The following CCN5 variants were observed in gnomAD, a reference collection of about 807,000 sequenced individuals.
CCN5 encodes the protein cellular communication network factor 5.
In CCN5, 17 loss-of-function variants were observed where a neutral mutation model predicts 18.7. The observed-to-expected ratio is 0.91, with a 90% CI of 0.62 to 1.36. The LOEUF (loss-of-function observed/expected upper bound fraction) is 1.36. Ranked by LOEUF, CCN5 falls within the 40% of genes most tolerant of loss-of-function variation. CCN5 has a pLI of 0.00. For synonymous variants in CCN5, 135 were observed against 145.2 expected, an observed-to-expected ratio of 0.93 and a Z score of 0.50; for missense variants, 367 against 342.9, an observed-to-expected ratio of 1.07 and a Z score of -0.56.
intron 1 of CCN5, among the ~76,000 whole-genome samples, chr20:44,717,409 G>A (rs116798181): frequency 1.3e-5 from 2 of 152,286 alleles, no homozygotes; most frequent in African/African-American, 4.8e-5. Context: ...GAGCCAAGGT[G>A]CACAGCTGCT....
intron 2 of CCN5, among the ~76,000 whole-genome samples, chr20:44,722,783 C>T (rs970376169): frequency 2.0e-5 from 3 of 152,004 alleles, no homozygotes; most frequent in Non-Finnish European, 4.4e-5. Flanking sequence ...CTAGACATCT[C>T]TCTTTTCTCA....
At chr20:44,725,784 G>A (rs2065932414) in intron 3 of CCN5, among the ~76,000 whole-genome samples, 1 of 133,296 alleles carries the variant, frequency 7.5e-6, no homozygotes, top group Non-Finnish European at 1.6e-5. Context: ...ATGTGGGCCG[G>A]GGGTGGGCTA....
In CCN5 at chr20:44,719,890, T is replaced by C; in HGVS notation, c.61-7T>C. ...CCCGTGGCTGAGTGAGGTCTCTGTC[T>C]CTTCAGGTGCGTACCCAGCTGTGCC... On this transcript the variant is annotated splice_polypyrimidine_tract_variant and splice_region_variant and intron_variant, in intron 1 of 3. Coordinates refer to ENST00000190983, the MANE Select transcript of CCN5 (RefSeq NM_003881.4). 1 of 1,609,476 alleles carries C rather than the reference T, an allele frequency of 6.2e-7. No homozygotes were observed. The highest frequency in any genetic ancestry group is 1.1e-5 in the South Asian group (1 of 90,280).
intron 3 of CCN5, 143 bp from the exon 4 acceptor site, chr20:44,726,944 T>C (rs1261416695): frequency 1.3e-6 from 1 of 784,244 alleles, no homozygotes; most frequent in Non-Finnish European, 2.0e-6. Flanking sequence ...TGCCATCCAC[T>C]GTTAAGAAAT....
At chr20:44,715,493 G>T in intron 1 of CCN5, 43 bp downstream of exon 1, 7 of 1,560,140 alleles carry the variant, frequency 4.5e-6, no homozygotes, top group East Asian at 2.4e-5. Context: ...GACTATTTGG[G>T]TGTGGAGGGG....
chr20:44,720,186 G>A (rs2065889723), intron 2 of CCN5, 73 bp downstream of exon 2: 1 of 1,456,614 alleles, frequency 6.9e-7, no homozygotes, highest in African/African-American at 1.4e-5. Context: ...CTGGATCAAA[G>A]TGCAGCCCTC....
At chr20:44,724,664 G>T in intron 2 of CCN5, 74 bp from the exon 3 acceptor site, 7 of 1,591,414 alleles carry the variant, frequency 4.4e-6, no homozygotes, top group Non-Finnish European at 6.0e-6. Flanking sequence ...CAGGCAGCGG[G>T]ATCTGGGCAG....
chr20:44,719,753 C>G, intron 1 of CCN5, 144 bp from the exon 2 acceptor site: 3 of 743,570 alleles, frequency 4.0e-6, no homozygotes, highest in Non-Finnish European at 6.4e-6. Context: ...TGTGGGACTA[C>G]TGGCCTTTGA....
intron 2 of CCN5, chr20:44,720,340 T>A (rs2145413548): frequency 1.8e-6 from 1 of 546,210 alleles, no homozygotes; most frequent in Middle Eastern, 4.5e-4. Flanking sequence ...CCTTTCCCCA[T>A]CCCTACCTGT....
upstream of CCN5, chr20:44,715,310 C>A (rs1409190017): frequency 1.4e-6 from 2 of 1,383,864 alleles, no homozygotes; most frequent in Non-Finnish European, 9.9e-7. Flanking sequence ...CCTGTGTGTG[C>A]CTGGGAGTGA....
At chr20:44,726,636 T>C (rs2065937881) in intron 3 of CCN5, among the ~76,000 whole-genome samples, 1 of 152,040 alleles carries the variant, frequency 6.6e-6, no homozygotes, top group South Asian at 2.1e-4. Flanking sequence ...ACCAAAATAC[T>C]CACAGAGGGA....
chr20:44,717,885 G>GAAAAAAAAAAAAAAA (rs60571299), intron 1 of CCN5, among the ~76,000 whole-genome samples: 1 of 90,202 alleles, frequency 1.1e-5, no homozygotes, highest in Non-Finnish European at 2.3e-5. Flanking sequence ...TCTCAAAAAA[G>GAAAAAAAAAAAAAAA]AAAAAAAAAA....
intron 2 of CCN5, chr20:44,720,330 C>T (rs1189488503): frequency 3.5e-6 from 2 of 574,296 alleles, no homozygotes; most frequent in African/African-American, 1.9e-5. Flanking sequence ...ACCCCAATAA[C>T]CTTTCCCCAT....
chr20:44,719,874 G>A (rs775298585), intron 1 of CCN5, 23 bp from the exon 2 acceptor site: 2 of 1,605,090 alleles, frequency 1.2e-6, no homozygotes, highest in Non-Finnish European at 1.7e-6. Flanking sequence ...GCCCGTGGCT[G>A]AGTGAGGTCT....
chr20:44,715,096 GCACACACACACACA>G (rs144166282), upstream of CCN5: 19 of 288,368 alleles, frequency 6.6e-5, no homozygotes, highest in Middle Eastern at 1.2e-3. Flanking sequence ...ACACACACGC[GCACACACACACACA>G]CACACACACG....
rs1326927365 is a variant in CCN5, at chr20:44,719,961, G to T, written c.125G>T (p.Gly42Val). ...CPWPPPRCPL[G>V]VPLVLDGCGC... ...TGGCCACCTCCCCGATGCCCGCTGG[G>T]AGTACCCCTGGTGCTGGATGGCTGT... The change falls in exon 2 of 4, where the codon GGA becomes GTA. Residue 42 changes from glycine to valine, a missense_variant. Gly to Val is a moderately radical substitution (Grantham distance 109). Coordinates refer to ENST00000190983, the MANE Select transcript of CCN5 (RefSeq NM_003881.4). 1.2e-6 allele frequency: 2 copies of T among 1,613,826 alleles called. No homozygotes were observed. Among genetic ancestry groups the T allele is most frequent in the Admixed American group, 3.3e-5 (2 of 60,002 alleles).
rs753513180 is a variant in CCN5, at chr20:44,720,025, C to T, written c.189C>T (p.Pro63=). The change falls in exon 2 of 4, where the codon CCC becomes CCT. Residue 63 remains proline (P), a synonymous_variant. Coordinates refer to ENST00000190983, the MANE Select transcript of CCN5 (RefSeq NM_003881.4). ...TATGTGCACGGCGGCTGGGGGAGCCCTGCGACCAACTCCACGTCTGCGACG... is the reference window on the plus strand; with the variant it reads ...TATGTGCACGGCGGCTGGGGGAGCCTTGCGACCAACTCCACGTCTGCGACG... ...CRVCARRLGE[P]CDQLHVCDAS... is the part of the protein sequence containing the mutation. 1.9e-5 allele frequency: 30 copies of T among 1,605,408 alleles called. 1 individual carries two copies. In the South Asian group the frequency reaches 3.2e-4, roughly 17 times the overall value.
intron 3 of CCN5, among the ~76,000 whole-genome samples, chr20:44,725,983 G>A (rs2065933763): frequency 1.3e-5 from 2 of 152,200 alleles, no homozygotes; most frequent in African/African-American, 2.4e-5. Context: ...CACGTGTTAT[G>A]GGTCAGGTGC....
At chr20:44,715,283 GTGTACT>G (rs2065851018), upstream of CCN5, 1 of 862,824 alleles carries the variant, frequency 1.2e-6, no homozygotes, top group African/African-American at 2.0e-5. Context: ...GCGCGCGCGT[GTGTACT>G]CGTGCGTGTG....
Sources: gnomAD v4.1 joint callset for allele counts (sites outside exome capture counted in the v4.1 genomes callset) on GRCh38, gnomAD v4.1.1 for gene constraint, MANE v1.5 for transcripts, NCBI Gene and HGNC (gene_info 2026-07-23, HGNC 2026-07-21) for gene names.